FOXP1: variants seen among roughly 807,000 people sequenced by gnomAD.
FOXP1 encodes the protein forkhead box P1.
FOXP1 carries 15 observed loss-of-function variants against 98.2 expected under a neutral mutation model. That is an observed-to-expected ratio of 0.15 (90% CI 0.10 to 0.24). The LOEUF (loss-of-function observed/expected upper bound fraction) is 0.24, where lower values mean the gene tolerates loss of function less well. FOXP1 is among the 10% of genes least tolerant of loss of function. The pLI is 1.00. For synonymous variants in FOXP1, 371 were observed against 314.5 expected (o/e 1.18, Z -1.90); for missense variants, 633 against 848.5 (o/e 0.75, Z 3.15).
rs79709794 is a variant in FOXP1, at chr3:71,284,432, T to C, written c.-12+15388A>G. ...ATATAAAAATTAGCTGGACATGGTG[T>C]GTGCAACTGAAGTCTAAGCTACTCG... On this transcript the variant is annotated intron_variant, in intron 5 of 20. Coordinates refer to ENST00000649528, the MANE Select transcript of FOXP1 (RefSeq NM_001349338.3). Among the ~76,000 whole-genome samples, 743 of 152,162 alleles carry C rather than the reference T, an allele frequency of 4.9e-3. 12 individuals are homozygous for C. The highest frequency in any genetic ancestry group is 0.017 in the African/African-American group (690 of 41,514).
At chr3:71,435,069 C>T (rs1447530234) in intron 3 of FOXP1, among the ~76,000 whole-genome samples, 2 of 150,384 alleles carry the variant, frequency 1.3e-5, no homozygotes, top group African/African-American at 2.5e-5. Flanking sequence ...GAGTTTTCAG[C>T]TATGTCATTC....
intron 3 of FOXP1, among the ~76,000 whole-genome samples, chr3:71,367,868 C>T (rs1369582904): frequency 6.6e-6 from 1 of 152,082 alleles, no homozygotes; most frequent in East Asian, 1.9e-4. Flanking sequence ...CTCTGCAATA[C>T]CACCAAACTT....
chr3:71,534,475 G>C (rs1278232411), intron 2 of FOXP1, among the ~76,000 whole-genome samples: 1 of 152,150 alleles, frequency 6.6e-6, no homozygotes. Context: ...CGTATGAGTA[G>C]ACACCCCCAG....
At chr3:71,310,687 T>G (rs1445909462) in intron 4 of FOXP1, among the ~76,000 whole-genome samples, 2 of 152,248 alleles carry the variant, frequency 1.3e-5, no homozygotes, top group East Asian at 3.8e-4. Context: ...TCTGGGCGTT[T>G]CTGCCCAGAG....
intron 3 of FOXP1, among the ~76,000 whole-genome samples, chr3:71,402,008 T>C (rs574556648): frequency 6.6e-6 from 1 of 152,294 alleles, no homozygotes; most frequent in Admixed American, 6.5e-5. Context: ...AGAGACGGAA[T>C]GGCACACAAA....
At chr3:71,554,722 T>C (rs2046006968) in intron 2 of FOXP1, among the ~76,000 whole-genome samples, 1 of 152,238 alleles carries the variant, frequency 6.6e-6, no homozygotes, top group Admixed American at 6.5e-5. Flanking sequence ...CCAACGTAAG[T>C]GAAATTAATT....
chr3:71,031,381 T>C (rs1180772016), intron 11 of FOXP1, among the ~76,000 whole-genome samples: 2 of 152,236 alleles, frequency 1.3e-5, no homozygotes, highest in Admixed American at 6.5e-5. Flanking sequence ...TCAGCTACAG[T>C]TGCTATGGGG....
chr3:71,468,465 C>G (rs534281152), intron 3 of FOXP1, among the ~76,000 whole-genome samples: 2 of 152,174 alleles, frequency 1.3e-5, no homozygotes, highest in African/African-American at 4.8e-5. Flanking sequence ...CTCTTCGACA[C>G]GTGATACCTT....
At chr3:71,144,533 GGA>G (rs1198877660) in intron 6 of FOXP1, among the ~76,000 whole-genome samples, 1 of 152,206 alleles carries the variant, frequency 6.6e-6, no homozygotes, top group Admixed American at 6.5e-5. Flanking sequence ...AAAGTGGGCA[GGA>G]GAGGTTCTTG....
At chr3:71,125,927 T>A (rs983967435) in intron 6 of FOXP1, among the ~76,000 whole-genome samples, 1 of 152,212 alleles carries the variant, frequency 6.6e-6, no homozygotes, top group Non-Finnish European at 1.5e-5. Context: ...TTAACCTCTC[T>A]GTGTCTTAGT....
chr3:71,018,126 G>A (rs575864162), intron 11 of FOXP1, among the ~76,000 whole-genome samples: 2 of 152,274 alleles, frequency 1.3e-5, no homozygotes, highest in South Asian at 4.1e-4. Context: ...TTTTGGACTC[G>A]AAATGTGTAG....
chr3:71,175,435 T>C (rs1344281240), intron 6 of FOXP1, among the ~76,000 whole-genome samples: 1 of 152,220 alleles, frequency 6.6e-6, no homozygotes, highest in Non-Finnish European at 1.5e-5. Context: ...CTGGGAGATT[T>C]TCAATTGATG....
chr3:71,422,507 C>T (rs567810697), intron 3 of FOXP1, among the ~76,000 whole-genome samples: 2 of 152,232 alleles, frequency 1.3e-5, no homozygotes, highest in Non-Finnish European at 2.9e-5. Context: ...CCCTCCCCCA[C>T]GTCCTCACCT....
chr3:71,583,885 G>A (rs2048391911), upstream of FOXP1: 1 of 984,814 alleles, frequency 1.0e-6, no homozygotes, highest in Admixed American at 6.2e-5. Flanking sequence ...ACCTCCCGCA[G>A]GGGTCCCCTC....
intron 2 of FOXP1, among the ~76,000 whole-genome samples, chr3:71,516,769 TC>T (rs1247562563): frequency 7.9e-5 from 12 of 151,954 alleles, no homozygotes; most frequent in Non-Finnish European, 2.9e-5. Context: ...TCGCTTGAAC[TC>T]GGGAGGCAGA....
chr3:71,124,844 A>G (rs1243052088), intron 6 of FOXP1, among the ~76,000 whole-genome samples: 1 of 152,212 alleles, frequency 6.6e-6, no homozygotes, highest in African/African-American at 2.4e-5. Flanking sequence ...TGGAAAGCAA[A>G]GATTCCTTTC....
intron 20 of FOXP1, among the ~76,000 whole-genome samples, chr3:70,963,091 G>A (rs377455900): frequency 6.6e-6 from 1 of 152,070 alleles, no homozygotes; most frequent in Non-Finnish European, 1.5e-5. Context: ...AACAAAACAC[G>A]TTTTCCCCCT....
At chr3:70,966,903 C>T (rs915034387) in intron 19 of FOXP1, among the ~76,000 whole-genome samples, 1 of 152,158 alleles carries the variant, frequency 6.6e-6, no homozygotes, top group East Asian at 1.9e-4. Context: ...AAAAGGGACA[C>T]CAAGTCTGAA....
intron 5 of FOXP1, among the ~76,000 whole-genome samples, chr3:71,295,305 A>G (rs1262103590): frequency 6.6e-6 from 1 of 152,252 alleles, no homozygotes; most frequent in East Asian, 1.9e-4. Flanking sequence ...CTGTGTCATT[A>G]GGTAAATGTT....
Sources: gnomAD v4.1 joint callset for allele counts (sites outside exome capture counted in the v4.1 genomes callset) on GRCh38, gnomAD v4.1.1 for gene constraint, MANE v1.5 for transcripts, NCBI Gene and HGNC (gene_info 2026-07-23, HGNC 2026-07-21) for gene names.